Variants in SLC4A8 observed in about 807,000 individuals in gnomAD.
The protein encoded by SLC4A8 is solute carrier family 4 member 8.
In SLC4A8, 40 loss-of-function variants were observed where a neutral mutation model predicts 125.0. The observed-to-expected ratio is 0.32, with a 90% confidence interval of 0.25 to 0.42. The LOEUF is 0.42. Ranked by LOEUF, SLC4A8 falls within the 10% of genes least tolerant of loss-of-function variation. The pLI is 1.00. For missense variants in SLC4A8, 863 were observed against 1,355.1 expected (o/e 0.64, Z 5.70); for synonymous variants, 456 against 476.0 (o/e 0.96, Z 0.55).
chr12:51,467,105 C>T (rs1348915551), intron 11 of SLC4A8, among the ~76,000 whole-genome samples: 1 of 152,072 alleles, frequency 6.6e-6, no homozygotes, highest in African/African-American at 2.4e-5. Flanking sequence ...GCTAAGAACC[C>T]AGGAATACTT....
chr12:51,500,528 T>C (rs1312885631), intron 22 of SLC4A8, among the ~76,000 whole-genome samples: 1 of 152,262 alleles, frequency 6.6e-6, no homozygotes, highest in East Asian at 1.9e-4. Flanking sequence ...TGTATCATGA[T>C]ATTTTTTAAA....
chr12:51,469,252 C>G, intron 11 of SLC4A8: 1 of 163,630 alleles, frequency 6.1e-6, no homozygotes, highest in East Asian at 1.7e-4. Flanking sequence ...TTTAATAAAA[C>G]TAGTAATTTT....
chr12:51,425,358 G>A, intron 1 of SLC4A8: 1 of 1,173,654 alleles, frequency 8.5e-7, no homozygotes, highest in East Asian at 4.5e-5. Context: ...GCCGGCGTCT[G>A]GCCTCGCGTT....
chr12:51,497,086 A>G lies in SLC4A8; in HGVS notation c.3043A>G (p.Lys1015Glu). 1 of 1,613,796 alleles carries G rather than the reference A, an allele frequency of 6.2e-7. No individual in the cohort carries two copies. Among genetic ancestry groups the G allele is most frequent in the Non-Finnish European group, 8.5e-7 (1 of 1,179,954 alleles). Reference protein sequence around the residue: ...DDLMPESKKKKLDDAKKKAKE... With the variant: ...DDLMPESKKKELDDAKKKAKE... ...TCTCATGCCTGAAAGCAAAAAGAAGAAGTTGGATGATGCCAAAAAGAAGGC... is the reference window on the plus strand; with the variant it reads ...TCTCATGCCTGAAAGCAAAAAGAAGGAGTTGGATGATGCCAAAAAGAAGGC... The change falls in exon 22 of 25, where the codon AAG becomes GAG. Residue 1015 changes from lysine (K) to glutamate (E), a missense_variant. Lys to Glu is a moderately conservative substitution (Grantham distance 56, BLOSUM62 1). Transcript: ENST00000453097.
Position 51,485,819 on chromosome 12 carries a change from C to T in SLC4A8, c.2205C>T (p.Phe735=). ...CCATGGTGAGTGACTTTGCTGTTTT[C>T]CTCACTATCTTCACAATGGTGATTA... ...VRSMVSDFAV[F]LTIFTMVIID... Residue 735 remains phenylalanine, a synonymous_variant, in exon 17 of 25, where the codon TTC becomes TTT. Transcript: ENST00000453097. The T allele has an allele frequency of 1.9e-6, 3 of 1,613,164 alleles. No individual in the cohort carries two copies. Among genetic ancestry groups the T allele is most frequent in the Non-Finnish European group, 2.5e-6 (3 of 1,179,150 alleles).
At chr12:51,479,241 C>T (rs1950945237) in intron 16 of SLC4A8, among the ~76,000 whole-genome samples, 1 of 152,184 alleles carries the variant, frequency 6.6e-6, no homozygotes, top group African/African-American at 2.4e-5. Context: ...TTGCTGACTC[C>T]TGTGGAAATC....
chr12:51,396,667 A>AC (rs1425927015), intron 1 of SLC4A8, among the ~76,000 whole-genome samples: 1 of 96,934 alleles, frequency 1.0e-5, no homozygotes, highest in Non-Finnish European at 2.2e-5. Context: ...ACATAGTGAG[A>AC]CCCCATCTTT....
intron 1 of SLC4A8, among the ~76,000 whole-genome samples, chr12:51,405,353 C>T (rs1410942790): frequency 6.6e-6 from 1 of 152,124 alleles, no homozygotes; most frequent in African/African-American, 2.4e-5. Flanking sequence ...ACATACTGTA[C>T]CTCATTCCCT....
intron 1 of SLC4A8, among the ~76,000 whole-genome samples, chr12:51,418,312 GA>G (rs1948725461): frequency 6.6e-6 from 1 of 152,304 alleles, no homozygotes; most frequent in Admixed American, 6.5e-5. Context: ...GGATGGAGTG[GA>G]GGGGAATTGT....
chr12:51,440,607 G>T, intron 1 of SLC4A8, 101 bp from the exon 2 acceptor site: 1 of 816,246 alleles, frequency 1.2e-6, no homozygotes, highest in Non-Finnish European at 2.0e-6. Flanking sequence ...AAACAATTGT[G>T]TTTCCCCCGT....
At chr12:51,487,387 A>G (rs1251141507) in intron 17 of SLC4A8, among the ~76,000 whole-genome samples, 1 of 152,064 alleles carries the variant, frequency 6.6e-6, no homozygotes, top group Non-Finnish European at 1.5e-5. Context: ...TGTTAGGGAA[A>G]CATAGATTCT....
At chr12:51,393,779 C>G (rs1246594504) in intron 1 of SLC4A8, among the ~76,000 whole-genome samples, 1 of 152,200 alleles carries the variant, frequency 6.6e-6, no homozygotes, top group Non-Finnish European at 1.5e-5. Flanking sequence ...CTTTCACATT[C>G]CAGGCCGTGG....
At chr12:51,415,851 A>G (rs1407336487) in intron 1 of SLC4A8, among the ~76,000 whole-genome samples, 1 of 147,852 alleles carries the variant, frequency 6.8e-6, no homozygotes, top group Non-Finnish European at 1.5e-5. Context: ...CTAGATGCCC[A>G]GTCCCCAGCA....
intron 9 of SLC4A8, 87 bp downstream of exon 9, chr12:51,461,378 G>T (rs751827093): frequency 1.2e-6 from 1 of 804,044 alleles, no homozygotes; most frequent in South Asian, 1.5e-5. Context: ...AGTTATTGGG[G>T]ATAAAATACT....
intron 15 of SLC4A8, 69 bp from the exon 16 acceptor site, chr12:51,474,976 A>T (rs1592246350): frequency 7.3e-7 from 1 of 1,363,970 alleles, no homozygotes; most frequent in East Asian, 2.3e-5. Context: ...TGAGTGGTGG[A>T]CTCAGTAGGA....
At chr12:51,461,153 G>A (rs1318371146) in intron 8 of SLC4A8, 51 bp from the exon 9 acceptor site, 10 of 891,442 alleles carry the variant, frequency 1.1e-5, no homozygotes, top group East Asian at 4.9e-5. Context: ...AGGACTAATG[G>A]CACTTCTTTA....
chr12:51,489,535 T>G (rs1022007538), intron 18 of SLC4A8, among the ~76,000 whole-genome samples, 165 bp from the exon 19 acceptor site: 3 of 152,166 alleles, frequency 2.0e-5, no homozygotes, highest in African/African-American at 7.2e-5. Flanking sequence ...TCTTCTTTGT[T>G]TCCTCCTAAC....
intron 1 of SLC4A8, among the ~76,000 whole-genome samples, chr12:51,408,375 G>A (rs1364822373): frequency 3.3e-5 from 5 of 152,058 alleles, no homozygotes; most frequent in East Asian, 3.9e-4. Context: ...GATTACAGGC[G>A]CGTGCCACCA....
rs184358501 is a variant in SLC4A8, at chr12:51,456,545, A to G, written c.575-806A>G. Among the ~76,000 whole-genome samples the G allele has an allele frequency of 5.3e-5, 8 of 152,306 alleles. 1 individual carries two copies. Among genetic ancestry groups the G allele is most frequent in the African/African-American group, 1.9e-4 (8 of 41,570 alleles). ...GTGCCTAAAAGGAAATCAGCACTGTATATCATCTCATTTAATTTCCTGTAA... is the reference window on the plus strand; with the variant it reads ...GTGCCTAAAAGGAAATCAGCACTGTGTATCATCTCATTTAATTTCCTGTAA... On this transcript the variant is annotated intron_variant, in intron 5 of 24. Coordinates refer to ENST00000453097, the MANE Select transcript of SLC4A8 (RefSeq NM_001039960.3).
Sources: allele counts gnomAD v4.1 joint callset (sites outside exome capture counted in the v4.1 genomes callset), GRCh38; gene constraint gnomAD v4.1.1; transcripts MANE v1.5; gene names NCBI Gene and HGNC (gene_info 2026-07-23, HGNC 2026-07-21).